The following STRAP variants were observed in gnomAD, a reference collection of about 807,000 sequenced individuals.
STRAP encodes serine-threonine kinase receptor-associated protein.
In STRAP, 16 loss-of-function variants were observed where a neutral mutation model predicts 47.0. That is an observed-to-expected ratio of 0.34 (90% CI 0.23 to 0.52). STRAP has a LOEUF of 0.52. Ranked by LOEUF, STRAP falls within the 20% of genes least tolerant of loss-of-function variation. The pLI is 0.96. For missense variants in STRAP, 293 were observed against 420.0 expected, an observed-to-expected ratio of 0.70 and a Z score of 2.64; for synonymous variants, 130 against 142.7, an observed-to-expected ratio of 0.91 and a Z score of 0.63.
rs1947930509 is a variant in STRAP, at chr12:15,882,586, T to TGCCCA, written c.-112_-108dup. ...CACCGGATTGCCCTTCTTTTCCTGTTGCCCAGCCCAGCCCTAGTGTCAGGG... is the reference window on the plus strand; with the variant it reads ...CACCGGATTGCCCTTCTTTTCCTGTTGCCCAGCCCAGCCCAGCCCTAGTGTCAGGG... On this transcript the variant is annotated 5_prime_UTR_variant, in exon 1 of 10. Coordinates refer to ENST00000419869, the MANE Select transcript of STRAP (RefSeq NM_007178.4). The TGCCCA allele has an allele frequency of 2.8e-5, 22 of 793,108 alleles. No homozygotes were observed. The highest frequency in any genetic ancestry group is 5.0e-5 in the Admixed American group (2 of 39,748). 49.1% of individuals were successfully genotyped at this position (793,108 alleles called of 1,614,324 possible). A position where few individuals can be genotyped will look rare whatever the true frequency, so the allele number is the denominator to read the frequency against.
intron 4 of STRAP, among the ~76,000 whole-genome samples, chr12:15,893,231 C>G (rs1313578996): frequency 1.3e-5 from 2 of 151,686 alleles, no homozygotes; most frequent in East Asian, 1.9e-4. Context: ...GAATTGCTGT[C>G]CCACTTTCTA....
At chr12:15,892,524 A>G (rs1948025215) in intron 4 of STRAP, among the ~76,000 whole-genome samples, 2 of 152,310 alleles carry the variant, frequency 1.3e-5, no homozygotes, top group East Asian at 3.9e-4. Context: ...TGTAGTCATA[A>G]ATCTATAAAA....
chr12:15,890,805 ATCC>A lies in STRAP; in HGVS notation c.403+138_403+140del. 1.2e-5 allele frequency: 8 copies of A among 675,122 alleles called. No individual in the cohort carries two copies. The highest frequency in any genetic ancestry group is 2.0e-5 in the Non-Finnish European group (8 of 410,176). The allele number at this position is 675,122 out of a possible 1,614,324, so 41.8% of individuals were successfully genotyped here. Reference sequence around the variant, plus strand: ...CCGGGCACGGTGGCTCATACCTGTAATCCTAGCACTTTGGGAGACTGAGGCGGG... The same window carrying A: ...CCGGGCACGGTGGCTCATACCTGTAATAGCACTTTGGGAGACTGAGGCGGG... On this transcript the variant is annotated intron_variant, in intron 4 of 9. Transcript: ENST00000419869. This position sits in a 1 kb window ranked among gnomAD's most constrained non-coding sequence, Gnocchi z 4.5.
intron 4 of STRAP, among the ~76,000 whole-genome samples, chr12:15,893,295 C>G (rs1441945337): frequency 6.6e-6 from 1 of 151,544 alleles, no homozygotes; most frequent in Non-Finnish European, 1.5e-5. Context: ...TCAATAGCTG[C>G]TTGGATAAAC....
In STRAP at chr12:15,890,670, GTAAGCATAATT is replaced by G. The variant is rs1453688946; in HGVS notation, c.403+5_403+15del. On this transcript the variant is annotated splice_donor_variant and splice_donor_5th_base_variant and intron_variant, in intron 4 of 9. Transcript: ENST00000419869. LOFTEE classifies it high-confidence loss of function. The surrounding 1 kb of genome is among the most constrained non-coding windows in gnomAD (Gnocchi z 4.5). The stretch of plus-strand genomic sequence containing the variant: ...TATGACTTGAACAAACCTGAAGCAG[GTAAGCATAATT>G]TAAACATCAGCTTCTAGTTTTATTT... 1 of 1,601,748 alleles carries G rather than the reference GTAAGCATAATT, an allele frequency of 6.2e-7. No individual in the cohort carries two copies.
At chr12:15,901,317 G>T (rs1254005405) in intron 9 of STRAP, among the ~76,000 whole-genome samples, 1 of 152,136 alleles carries the variant, frequency 6.6e-6, no homozygotes, top group East Asian at 1.9e-4. Flanking sequence ...ATTAAAAAAA[G>T]CTTCCTAGAG....
chr12:15,888,995 C>T (rs1348536118), intron 2 of STRAP, among the ~76,000 whole-genome samples: 5 of 152,008 alleles, frequency 3.3e-5, no homozygotes, highest in Non-Finnish European at 7.4e-5. Context: ...AAATAAATAG[C>T]AGTTGCATTA....
At chr12:15,900,223 T>C (rs981947209) in intron 8 of STRAP, among the ~76,000 whole-genome samples, 170 bp downstream of exon 8, 1 of 152,154 alleles carries the variant, frequency 6.6e-6, no homozygotes, top group Admixed American at 6.5e-5. Flanking sequence ...AAGGGTCATG[T>C]TCCTTTGTTT....
At position 15,894,232 on chromosome 12, in the gene STRAP, G is replaced by C; in HGVS notation, c.500+89G>C. The C allele has an allele frequency of 9.8e-7, 1 of 1,016,552 alleles. No homozygotes were observed. Among genetic ancestry groups the C allele is most frequent in the South Asian group, 1.3e-5 (1 of 74,624 alleles). The allele number at this position is 1,016,552 out of a possible 1,614,324, so 63.0% of individuals were successfully genotyped here. On this transcript the variant is annotated intron_variant, in intron 5 of 9. Coordinates refer to ENST00000419869, the MANE Select transcript of STRAP (RefSeq NM_007178.4). This position sits in a 1 kb window ranked among gnomAD's most constrained non-coding sequence, Gnocchi z 4.9. ...CTCAGCACTTTGGGAGGCGAGCCGGGTGGATCATTAGAGGTCAGGAGTACT... is the reference window on the plus strand; with the variant it reads ...CTCAGCACTTTGGGAGGCGAGCCGGCTGGATCATTAGAGGTCAGGAGTACT...
In STRAP at chr12:15,890,376, A is replaced by G. The variant is rs934439747; in HGVS notation, c.331-221A>G. On this transcript the variant is annotated intron_variant, in intron 3 of 9. Transcript: ENST00000419869. This position sits in a 1 kb window ranked among gnomAD's most constrained non-coding sequence, Gnocchi z 4.5. Reference sequence around the variant, plus strand: ...GGGGAGAATGGGAGAGTTCATGTATATGTAGTGTAGTGTAACGCTTTTGAA... The same window carrying G: ...GGGGAGAATGGGAGAGTTCATGTATGTGTAGTGTAGTGTAACGCTTTTGAA... Among the ~76,000 whole-genome samples the G allele has an allele frequency of 1.3e-5, 2 of 152,184 alleles. No individual in the cohort carries two copies. The highest frequency in any genetic ancestry group is 2.9e-5 in the Non-Finnish European group (2 of 68,030).
intron 4 of STRAP, among the ~76,000 whole-genome samples, chr12:15,891,029 C>T (rs1948010759): frequency 6.6e-6 from 1 of 150,796 alleles, no homozygotes; most frequent in African/African-American, 2.4e-5. Context: ...CACTGCACTC[C>T]AGCCTGGGCA....
intron 2 of STRAP, among the ~76,000 whole-genome samples, chr12:15,889,268 A>T (rs969845172): frequency 5.3e-5 from 8 of 152,140 alleles, no homozygotes; most frequent in Non-Finnish European, 1.2e-4. Context: ...GTGGGGTGGG[A>T]CAGAAAAAAC....
At chr12:15,895,323 A>G in intron 5 of STRAP, 36 bp from the exon 6 acceptor site, 3 of 1,453,076 alleles carry the variant, frequency 2.1e-6, no homozygotes, top group African/African-American at 1.5e-5. Context: ...TTTTTCTTAC[A>G]TGAGTAAACA....
chr12:15,882,948 G>C, intron 1 of STRAP, 129 bp downstream of exon 1: 4 of 1,335,452 alleles, frequency 3.0e-6, no homozygotes, highest in Non-Finnish European at 4.1e-6. Flanking sequence ...TCTGAGATGA[G>C]AGCCAACACT....
chr12:15,901,579 C>G (rs753096915), intron 9 of STRAP, among the ~76,000 whole-genome samples: 2 of 152,216 alleles, frequency 1.3e-5, no homozygotes, highest in Admixed American at 6.5e-5. Context: ...TGTATTAGGA[C>G]TTGGAGAGTT....
At chr12:15,899,844 T>A in intron 7 of STRAP, 60 bp from the exon 8 acceptor site, 2 of 1,508,052 alleles carry the variant, frequency 1.3e-6, no homozygotes, top group Non-Finnish European at 1.8e-6. Flanking sequence ...TTTTTTTTTT[T>A]TAGCATATCA....
intron 8 of STRAP, among the ~76,000 whole-genome samples, chr12:15,900,584 C>T (rs902296113): frequency 2.6e-5 from 4 of 151,400 alleles, no homozygotes; most frequent in African/African-American, 9.7e-5. Context: ...TATACTAGCA[C>T]ATTTTGTGGC....
At chr12:15,902,528 G>A (rs779129757) in intron 9 of STRAP, among the ~76,000 whole-genome samples, 1 of 152,160 alleles carries the variant, frequency 6.6e-6, no homozygotes, top group Non-Finnish European at 1.5e-5. Context: ...CAATGTTGAT[G>A]GTTAATGTTT....
At chr12:15,900,204 G>A in intron 8 of STRAP, 151 bp downstream of exon 8, 1 of 937,344 alleles carries the variant, frequency 1.1e-6, no homozygotes, top group East Asian at 2.9e-5. Flanking sequence ...ATTATAAATT[G>A]GCCAGAGAAA....
Sources: gnomAD v4.1 joint callset for allele counts (sites outside exome capture counted in the v4.1 genomes callset) on GRCh38, gnomAD v4.1.1 for gene constraint, Gnocchi (gnomAD v3.1) non-coding constraint, MANE v1.5 for transcripts, NCBI Gene and HGNC (gene_info 2026-07-23, HGNC 2026-07-21) for gene names.